The following RYR2 variants were observed in gnomAD, a reference collection of about 807,000 sequenced individuals.
The protein encoded by RYR2 is ryanodine receptor 2, also known as cardiac muscle ryanodine receptor-calcium release channel.
In RYR2, 227 loss-of-function variants were observed where a neutral mutation model predicts 601.1. The ratio of observed to expected loss-of-function variants is 0.38; its 90% CI spans 0.34 to 0.42. The LOEUF is 0.42. RYR2 is among the 10% of genes least tolerant of loss of function. RYR2 has a pLI of 1.00. For missense variants in RYR2, 4,646 were observed against 6,156.5 expected (o/e 0.75, Z 8.21); for synonymous variants, 2,223 against 2,175.1 (o/e 1.02, Z -0.61).
chr1:237,174,329 C>G (rs1445761035), intron 1 of RYR2, among the ~76,000 whole-genome samples: 2 of 152,066 alleles, frequency 1.3e-5, no homozygotes. Context: ...TAGTAAATAA[C>G]CAGTCTGTTC....
intron 1 of RYR2, among the ~76,000 whole-genome samples, chr1:237,065,643 A>G (rs1221357226): frequency 2.6e-5 from 4 of 152,096 alleles, no homozygotes; most frequent in African/African-American, 9.7e-5. Context: ...AGCCCATGGG[A>G]GCCACTGTTT....
Position 237,723,112 on chromosome 1 carries a change from T to C in RYR2, c.10555-16T>C, listed in dbSNP as rs1689889013. The C allele has an allele frequency of 5.0e-6, 8 of 1,599,966 alleles. No homozygotes were observed. The highest frequency in any genetic ancestry group is 2.2e-5 in the East Asian group (1 of 44,740). ...ATTCCCATCTTCCCATTGTAACCTT[T>C]TCCTTTTTTCTGCAGTTGGAGGATC... On this transcript the variant is annotated splice_polypyrimidine_tract_variant and intron_variant, in intron 73 of 104. Coordinates refer to ENST00000366574, the MANE Select transcript of RYR2 (RefSeq NM_001035.3).
intron 29 of RYR2, among the ~76,000 whole-genome samples, chr1:237,583,116 C>T (rs1674119660): frequency 6.6e-6 from 1 of 152,054 alleles, no homozygotes; most frequent in South Asian, 2.1e-4. Flanking sequence ...TTAATAATAG[C>T]CATTCTGACT....
chr1:237,652,865 G>C lies in RYR2; in HGVS notation c.7824+1364G>C, dbSNP rs183115015. Among the ~76,000 whole-genome samples, 19 of 152,170 alleles carry C rather than the reference G, an allele frequency of 1.2e-4. No individual in the cohort carries two copies. In the East Asian group the frequency reaches 2.5e-3, roughly 20 times the overall value. On this transcript the variant is annotated intron_variant, in intron 51 of 104. Transcript: ENST00000366574. ...TCATCATTTGTGACTCCTAAATTGT[G>C]TGGATGTATGTATGTGTCCATTTTT...
chr1:237,592,409 G>T (rs1451862683), intron 32 of RYR2, among the ~76,000 whole-genome samples: 2 of 152,108 alleles, frequency 1.3e-5, no homozygotes, highest in African/African-American at 4.8e-5. Flanking sequence ...GAGGTGGATG[G>T]ATCATCTGAG....
At chr1:237,617,919 C>T (rs1467654065) in intron 38 of RYR2, among the ~76,000 whole-genome samples, 4 of 152,096 alleles carry the variant, frequency 2.6e-5, no homozygotes, top group Non-Finnish European at 4.4e-5. Context: ...TGGTTTCTTC[C>T]TTTCATTGCT....
intron 33 of RYR2, among the ~76,000 whole-genome samples, chr1:237,595,180 C>T (rs548232707): frequency 6.6e-6 from 1 of 151,862 alleles, no homozygotes; most frequent in South Asian, 2.1e-4. Context: ...AATAGTTAAA[C>T]TTTTTTGAAC....
At chr1:237,676,198 A>C (rs748035174) in intron 60 of RYR2, among the ~76,000 whole-genome samples, 69 of 152,128 alleles carry the variant, frequency 4.5e-4, no homozygotes, top group African/African-American at 1.6e-3. Context: ...ACAGGAGAGA[A>C]AGAAAGAGTC....
intron 1 of RYR2, among the ~76,000 whole-genome samples, chr1:237,251,028 ATGTGTGTGTGTGTGTG>A (rs3056167): frequency 1.4e-5 from 2 of 139,328 alleles, no homozygotes; most frequent in Admixed American, 7.2e-5. Context: ...TCCCCAACAG[ATGTGTGTGTGTGTGTG>A]TGTGTGTGTG....
intron 63 of RYR2, among the ~76,000 whole-genome samples, chr1:237,697,086 C>T (rs1433743189): frequency 6.6e-6 from 1 of 151,918 alleles, no homozygotes; most frequent in African/African-American, 2.4e-5. Flanking sequence ...AACTCATACT[C>T]TGCTTCTTTC....
chr1:237,697,315 GGTGT>G (rs556284201), intron 63 of RYR2, among the ~76,000 whole-genome samples: 1 of 142,538 alleles, frequency 7.0e-6, no homozygotes, highest in Non-Finnish European at 1.5e-5. Context: ...AGTTTCTGTA[GGTGT>G]GTGTGTGTGT....
At chr1:237,208,057 G>C (rs1420031072) in intron 1 of RYR2, among the ~76,000 whole-genome samples, 1 of 152,206 alleles carries the variant, frequency 6.6e-6, no homozygotes, top group Non-Finnish European at 1.5e-5. Flanking sequence ...GATGTTGGTT[G>C]ACCAGCGGGA....
intron 1 of RYR2, among the ~76,000 whole-genome samples, chr1:237,081,996 T>C (rs1353646262): frequency 2.0e-5 from 3 of 152,224 alleles, no homozygotes; most frequent in East Asian, 3.9e-4. Flanking sequence ...GGAGAAGAAC[T>C]TGGTGGGCAA....
intron 1 of RYR2, among the ~76,000 whole-genome samples, chr1:237,242,698 C>A (rs1686333876): frequency 6.6e-6 from 1 of 152,072 alleles, no homozygotes; most frequent in Non-Finnish European, 1.5e-5. Context: ...CAGCACAGGT[C>A]CCTCTGAAAT....
intron 80 of RYR2, among the ~76,000 whole-genome samples, chr1:237,746,221 T>G (rs12146052): frequency 0.071 from 10,818 of 152,258 alleles, 419 homozygotes; most frequent in South Asian, 0.094. Flanking sequence ...TCACATAAGT[T>G]ACAAATATGA....
At chr1:237,831,100 G>A (rs1411209766) in intron 103 of RYR2, among the ~76,000 whole-genome samples, 1 of 152,002 alleles carries the variant, frequency 6.6e-6, no homozygotes, top group Non-Finnish European at 1.5e-5. Context: ...GTATAGTTTG[G>A]TAAAATGCTA....
At chr1:237,700,490 G>T (rs1553290098) in intron 65 of RYR2, 23 bp downstream of exon 65, 27 of 976,810 alleles carry the variant, frequency 2.8e-5, no homozygotes, top group Non-Finnish European at 3.4e-5. Flanking sequence ...ATATCTTGGA[G>T]TTTTTTTTTT....
At chr1:237,369,839 C>G (rs894260603) in intron 6 of RYR2, among the ~76,000 whole-genome samples, 1 of 151,938 alleles carries the variant, frequency 6.6e-6, no homozygotes, top group Admixed American at 6.5e-5. Context: ...TCTTCAGTAT[C>G]TTACTTTTGA....
intron 48 of RYR2, among the ~76,000 whole-genome samples, chr1:237,646,019 G>A (rs547929954): frequency 2.0e-5 from 3 of 151,774 alleles, no homozygotes; most frequent in African/African-American, 7.2e-5. Context: ...TGGGACTACA[G>A]GCGCCCGCCA....
Sources: allele counts gnomAD v4.1 joint callset (sites outside exome capture counted in the v4.1 genomes callset), GRCh38; gene constraint gnomAD v4.1.1; transcripts MANE v1.5; gene names NCBI Gene and HGNC (gene_info 2026-07-23, HGNC 2026-07-21).